SGCD: variants seen among roughly 807,000 people sequenced by gnomAD.
SGCD encodes delta-sarcoglycan.
SGCD carries 18 observed loss-of-function variants against 36.6 expected under a neutral mutation model. That is an observed-to-expected ratio of 0.49 (90% CI 0.34 to 0.73). The LOEUF (loss-of-function observed/expected upper bound fraction) is 0.73. SGCD is among the 30% of genes least tolerant of loss of function. The pLI is 0.01. For missense variants in SGCD, 387 were observed against 346.7 expected (o/e 1.12, Z -0.92); for synonymous variants, 133 against 130.6 (o/e 1.02, Z -0.12).
At chr5:156,565,078 C>T (rs1759423980) in intron 4 of SGCD, among the ~76,000 whole-genome samples, 1 of 152,194 alleles carries the variant, frequency 6.6e-6, no homozygotes, top group African/African-American at 2.4e-5. Flanking sequence ...ACAGGACAGT[C>T]TCACAGTTCC....
At chr5:156,270,908 C>G (rs956076356) in intron 3 of SGCD, among the ~76,000 whole-genome samples, 1 of 152,118 alleles carries the variant, frequency 6.6e-6, no homozygotes, top group African/African-American at 2.4e-5. Context: ...GCCTAGAATC[C>G]TTTCTTTATA....
intron 3 of SGCD, among the ~76,000 whole-genome samples, chr5:156,134,416 C>G (rs188829651): frequency 1.3e-5 from 2 of 152,288 alleles, no homozygotes; most frequent in Admixed American, 1.3e-4. Flanking sequence ...TGTCTTTTTA[C>G]TCATTCCCCT....
At chr5:156,431,698 A>G (rs1753017293) in intron 3 of SGCD, among the ~76,000 whole-genome samples, 1 of 151,994 alleles carries the variant, frequency 6.6e-6, no homozygotes, top group African/African-American at 2.4e-5. Context: ...GCCAGACTGC[A>G]ATGATTGTTT....
intron 3 of SGCD, among the ~76,000 whole-genome samples, chr5:156,174,930 A>C (rs1232962374): frequency 6.6e-6 from 1 of 152,226 alleles, no homozygotes; most frequent in African/African-American, 2.4e-5. Flanking sequence ...GGAATCTTAG[A>C]TAATGTCCAC....
chr5:155,902,155 G>A (rs956231934), intron 1 of SGCD, among the ~76,000 whole-genome samples: 1 of 152,142 alleles, frequency 6.6e-6, no homozygotes, highest in African/African-American at 2.4e-5. Context: ...TGCCTTTTAA[G>A]AAAGTCACTT....
At chr5:156,355,962 C>CT (rs1283699674) in intron 3 of SGCD, among the ~76,000 whole-genome samples, 12 of 152,152 alleles carry the variant, frequency 7.9e-5, no homozygotes, top group Non-Finnish European at 1.6e-4. Flanking sequence ...AGATGGACAT[C>CT]TTTTTTCTTC....
chr5:155,732,332 C>T, the SGCD span, among the ~76,000 whole-genome samples: 1 of 152,172 alleles, frequency 6.6e-6, no homozygotes, highest in African/African-American at 2.4e-5. Context: ...CTAGAAAGTA[C>T]AGTGCTAAAA....
chr5:156,418,995 G>A (rs374626045), intron 3 of SGCD, among the ~76,000 whole-genome samples: 95 of 152,082 alleles, frequency 6.2e-4, no homozygotes, highest in African/African-American at 2.2e-3. Flanking sequence ...ATAGTAACTT[G>A]TATGTTTCAG....
chr5:156,087,504 G>A (rs538656260), intron 1 of SGCD, among the ~76,000 whole-genome samples: 2 of 151,980 alleles, frequency 1.3e-5, no homozygotes, highest in Non-Finnish European at 2.9e-5. Flanking sequence ...GCTGGGCATG[G>A]TGGCATGTGC....
rs77727714 is a variant in SGCD at position 156,317,379 on chromosome 5, T to C, written c.-43-12155T>C. 8.4e-3 allele frequency among the ~76,000 whole-genome samples: 1,279 copies of C among 152,248 alleles called. 17 individuals carry two copies. The highest frequency in any genetic ancestry group is 0.025 in the African/African-American group (1,032 of 41,566). On this transcript the variant is annotated intron_variant, in intron 3 of 9. Transcript: ENST00000517913. ...AGAACTCAGGGATAAGACAGTTTAA[T>C]AACAGGATCTTCTGATGAAGAAGAC... is the stretch of plus-strand genomic sequence containing the variant.
At chr5:156,418,840 C>G (rs1773168351) in intron 3 of SGCD, among the ~76,000 whole-genome samples, 2 of 152,188 alleles carry the variant, frequency 1.3e-5, no homozygotes, top group African/African-American at 4.8e-5. Flanking sequence ...TTTTAGCTTT[C>G]CCTAGAGCTC....
intron 3 of SGCD, among the ~76,000 whole-genome samples, chr5:156,472,324 G>T (rs1186912215): frequency 6.6e-6 from 1 of 152,130 alleles, no homozygotes; most frequent in East Asian, 1.9e-4. Context: ...TGAAAAAATA[G>T]AAATAAATAT....
intron 3 of SGCD, among the ~76,000 whole-genome samples, chr5:156,281,579 T>G (rs1336356433): frequency 6.6e-6 from 1 of 152,150 alleles, no homozygotes; most frequent in Non-Finnish European, 1.5e-5. Context: ...GATGTGATAG[T>G]GAACAAAATA....
chr5:155,959,074 A>C (rs1757731823), intron 1 of SGCD, among the ~76,000 whole-genome samples: 1 of 152,140 alleles, frequency 6.6e-6, no homozygotes, highest in African/African-American at 2.4e-5. Flanking sequence ...CAACAAATGT[A>C]ATTCAAGGTC....
At chr5:156,206,908 C>T (rs1375860699) in intron 3 of SGCD, among the ~76,000 whole-genome samples, 1 of 151,570 alleles carries the variant, frequency 6.6e-6, no homozygotes, top group East Asian at 1.9e-4. Flanking sequence ...TTTTTTTCCC[C>T]TGCACACTTG....
chr5:156,611,023 A>C (rs1044974941), intron 6 of SGCD, among the ~76,000 whole-genome samples: 1 of 152,198 alleles, frequency 6.6e-6, no homozygotes, highest in African/African-American at 2.4e-5. Context: ...GCTTCGGCTC[A>C]TGCTCGGTGT....
intron 3 of SGCD, among the ~76,000 whole-genome samples, chr5:156,411,096 T>C (rs745332895): frequency 6.6e-6 from 1 of 152,204 alleles, no homozygotes; most frequent in Non-Finnish European, 1.5e-5. Context: ...CCCTTGATGT[T>C]TTATTTCTTT....
intron 1 of SGCD, among the ~76,000 whole-genome samples, chr5:155,874,144 G>A (rs1389418283): frequency 6.6e-6 from 1 of 152,046 alleles, no homozygotes; most frequent in East Asian, 1.9e-4. Context: ...AAAAGAAGGG[G>A]ATAGGAGAAT....
At chr5:155,851,656 C>T in the SGCD span, among the ~76,000 whole-genome samples, 3 of 152,182 alleles carry the variant, frequency 2.0e-5, no homozygotes, top group African/African-American at 7.2e-5. Flanking sequence ...AATAAATGCT[C>T]TCTCTATGCC....
Sources: gnomAD v4.1 joint callset for allele counts (sites outside exome capture counted in the v4.1 genomes callset) on GRCh38, gnomAD v4.1.1 for gene constraint, MANE v1.5 for transcripts, NCBI Gene and HGNC (gene_info 2026-07-23, HGNC 2026-07-21) for gene names.